CFP: variants seen among roughly 807,000 people sequenced by gnomAD.
CFP encodes complement factor properdin, also known as properdin.
Under a neutral mutation model 42.1 loss-of-function variants are expected in CFP, and 14 were observed. The ratio of observed to expected loss-of-function variants is 0.33; its 90% CI spans 0.22 to 0.52. CFP has a LOEUF of 0.52. Among genes scored for constraint, CFP ranks in the 20% least tolerant of loss-of-function variants. The probability of loss-of-function intolerance (pLI) is 0.96; values close to 1 mark genes in which losing one functional copy is unlikely to be tolerated. For missense variants in CFP, 318 were observed against 400.4 expected (o/e 0.79, Z 1.76); for synonymous variants, 149 against 160.6 (o/e 0.93, Z 0.54).
intron 2 of CFP, chrX:47,628,534 G>A (rs188505507): frequency 4.1e-6 from 2 of 485,868 alleles, no homozygotes; most frequent in East Asian, 4.0e-5. Context: ...CACCAGGTCC[G>A]CAGTAAGCAA....
At chrX:47,626,291 CA>C (rs1227633315) in intron 7 of CFP, 36 bp downstream of exon 7, 1 of 1,197,240 alleles carries the variant, frequency 8.4e-7, no homozygotes, top group African/African-American at 1.8e-5. Context: ...CTGCATGGGC[CA>C]CCCCACCCTC....
Position 47,623,955 on chromosome X carries a change from C to G in CFP, c.*320G>C. 3.5e-6 allele frequency: 1 copy of G among 286,718 alleles called. No individual in the cohort carries two copies. Among genetic ancestry groups the G allele is most frequent in the Non-Finnish European group, 6.2e-6 (1 of 160,196 alleles). 23.6% of individuals were successfully genotyped at this position (286,718 alleles called of 1,213,427 possible). On this transcript the variant is annotated 3_prime_UTR_variant, in exon 9 of 9. Coordinates refer to ENST00000396992, the MANE Select transcript of CFP (RefSeq NM_001145252.3). ...CGTAACGCGGAGCTCTGCAGAGGAACGTGCCGGGCGGCCCTGAGGCTCTAA... is the reference window on the plus strand; with the variant it reads ...CGTAACGCGGAGCTCTGCAGAGGAAGGTGCCGGGCGGCCCTGAGGCTCTAA...
upstream of CFP, chrX:47,630,248 A>C: frequency 1.0e-5 from 2 of 194,340 alleles, no homozygotes; most frequent in African/African-American, 2.9e-5. Context: ...CTCTAACATA[A>C]TGACGGGGTC....
chrX:47,629,723 G>A (rs1177632373), intron 1 of CFP, 46 bp downstream of exon 1: 50 of 1,163,323 alleles, frequency 4.3e-5, no homozygotes, highest in Non-Finnish European at 5.1e-5. Flanking sequence ...CAGGGATGTG[G>A]TGGGCCTGGA....
intron 8 of CFP, 122 bp from the exon 9 acceptor site, chrX:47,624,562 T>C: frequency 6.0e-6 from 3 of 497,172 alleles, no homozygotes; most frequent in Non-Finnish European, 8.8e-6. Flanking sequence ...TTTTTTTCCT[T>C]TTTTTTTTTT....
rs891304368 is a variant in CFP, at chrX:47,623,381, C to T, written c.*894G>A. On this transcript the variant is annotated 3_prime_UTR_variant, in exon 9 of 9. Transcript: ENST00000396992. ...AGCACTATTGTTAGTATACAGTAGG[C>T]GTTAAGTGTTGAATAGATGTTCACA... The T allele has an allele frequency of 8.9e-6, 1 of 112,016 alleles. No individual in the cohort carries two copies. The highest frequency in any genetic ancestry group is 3.3e-5 in the African/African-American group (1 of 30,734). 9.2% of individuals were successfully genotyped at this position (112,016 alleles called of 1,213,427 possible).
chrX:47,625,989 T>A (rs1204999674), intron 8 of CFP, 69 bp downstream of exon 8: 6 of 930,167 alleles, frequency 6.5e-6, no homozygotes, highest in Non-Finnish European at 9.1e-6. Flanking sequence ...CCTGGTTTCC[T>A]GGGGTAGCCG....
Position 47,629,886 on chromosome X carries a change from C to T in CFP, c.-42G>A, listed in dbSNP as rs756806250. ...TGCACCTCTACCAGAGAGGAGGTCC[C>T]GCTTTATCTGGGTTGATAGGCTCCT... On this transcript the variant is annotated 5_prime_UTR_variant, in exon 1 of 9. Coordinates refer to ENST00000396992, the MANE Select transcript of CFP (RefSeq NM_001145252.3). 14 of 1,138,896 alleles carry T rather than the reference C, an allele frequency of 1.2e-5. No individual in the cohort carries two copies. The highest frequency in any genetic ancestry group is 5.8e-5 in the South Asian group (3 of 51,903). The allele number at this position is 1,138,896 out of a possible 1,213,427, so 93.9% of individuals were successfully genotyped here.
Position 47,623,976 on chromosome X carries a change from T to TC in CFP, c.*298dup. The TC allele has an allele frequency of 1.8e-5, 6 of 332,145 alleles. No homozygotes were observed. The South Asian group carries it at 2.4e-4, about 13-fold the overall frequency. 27.4% of individuals were successfully genotyped at this position (332,145 alleles called of 1,213,427 possible). The stretch of plus-strand genomic sequence containing the variant: ...GGAACGTGCCGGGCGGCCCTGAGGC[T>TC]CTAAGGGGGCTGCGCAGGGCCCAGA... On this transcript the variant is annotated 3_prime_UTR_variant, in exon 9 of 9. Coordinates refer to ENST00000396992, the MANE Select transcript of CFP (RefSeq NM_001145252.3).
chrX:47,629,187 T>G (rs750713214), intron 2 of CFP: 5 of 263,977 alleles, frequency 1.9e-5, no homozygotes, highest in African/African-American at 1.4e-4. Flanking sequence ...TGGTTCTCAA[T>G]CAGGGGTGAT....
Position 47,629,495 on chromosome X carries a change from CCCATCCCCCA to C in CFP, c.227+19_227+28del. ...CCCCACAGACAGTCCTTCCCTCCCCCCCATCCCCCACCCCAGGCTCCCCCTAACCTGCAAG... is the reference window on the plus strand; with the variant it reads ...CCCCACAGACAGTCCTTCCCTCCCCCCCCCAGGCTCCCCCTAACCTGCAAG... On this transcript the variant is annotated intron_variant, in intron 2 of 8. Coordinates refer to ENST00000396992, the MANE Select transcript of CFP (RefSeq NM_001145252.3). 1 of 750,897 alleles carries C rather than the reference CCCATCCCCCA, an allele frequency of 1.3e-6. No homozygotes were observed. The highest frequency in any genetic ancestry group is 2.8e-5 in the Admixed American group (1 of 35,126). The allele number at this position is 750,897 out of a possible 1,213,427, so 61.9% of individuals were successfully genotyped here.
chrX:47,627,653 A>G lies in CFP; in HGVS notation c.404-12T>C, dbSNP rs771626265. 2.5e-6 allele frequency: 3 copies of G among 1,185,656 alleles called. No homozygotes were observed. In the South Asian group the frequency reaches 5.6e-5, roughly 22 times the overall value. The stretch of plus-strand genomic sequence containing the variant: ...CCAGCCGCCCATCTCTGTGGGAGAG[A>G]AGAGAGGGTAATGGGATGGAGGTGG... On this transcript the variant is annotated splice_polypyrimidine_tract_variant and intron_variant, in intron 3 of 8. Transcript: ENST00000396992.
At position 47,629,849 on chromosome X, in the gene CFP, A is replaced by G; in HGVS notation, c.-5T>C. 1 of 1,166,273 alleles carries G rather than the reference A, an allele frequency of 8.6e-7. No individual in the cohort carries two copies. The highest frequency in any genetic ancestry group is 1.9e-5 in the South Asian group (1 of 52,689). On this transcript the variant is annotated 5_prime_UTR_variant, in exon 1 of 9. Coordinates refer to ENST00000396992, the MANE Select transcript of CFP (RefSeq NM_001145252.3). Reference sequence around the variant, plus strand: ...CTGCGCTCCCTCTGTGATCATGTTGAGTACTGCCCCCTGCACCTCTACCAG... The same window carrying G: ...CTGCGCTCCCTCTGTGATCATGTTGGGTACTGCCCCCTGCACCTCTACCAG...
At chrX:47,630,193 T>C (rs2057985777), upstream of CFP, 1 of 284,372 alleles carries the variant, frequency 3.5e-6, no homozygotes, top group Non-Finnish European at 6.3e-6. Context: ...GGTGAGTCAC[T>C]TAACACCCCT....
At chrX:47,629,247 C>G (rs2147937829) in intron 2 of CFP, 1 of 346,797 alleles carries the variant, frequency 2.9e-6, no homozygotes, top group Non-Finnish European at 5.0e-6. Context: ...GTTTGGTTGT[C>G]ACAGCTGGTG....
rs1223349666 is a variant in CFP, at chrX:47,626,862, C to T, written c.851G>A (p.Cys284Tyr). The T allele has an allele frequency of 8.3e-7, 1 of 1,208,312 alleles. No individual in the cohort carries two copies. Among genetic ancestry groups the T allele is most frequent in the South Asian group, 1.8e-5 (1 of 56,216 alleles). The change falls in exon 6 of 9, where the codon TGC becomes TAC. Residue 284 changes from cysteine (C) to tyrosine (Y), a missense_variant. Cys to Tyr is a radical substitution (Grantham distance 194, BLOSUM62 -2). Transcript: ENST00000396992. ...CCCATGCTGGGGCACAGGGTGATTG[C>T]ACGTCCGTTGTTCCATGGTCTGGCC... ...GLGQTMEQRT[C>Y]NHPVPQHGGP...
Position 47,627,460 on chromosome X carries a change from C to T in CFP, c.574+11G>A, listed in dbSNP as rs773671774. 2 of 1,211,385 alleles carry T rather than the reference C, an allele frequency of 1.7e-6. No homozygotes were observed. The highest frequency in any genetic ancestry group is 1.8e-5 in the South Asian group (1 of 56,751). ...TGCACCCATCAGCATCCTGTGGCTT[C>T]CCTCACTCACTGGGGCAGACCTGCT... On this transcript the variant is annotated intron_variant, in intron 4 of 8. Coordinates refer to ENST00000396992, the MANE Select transcript of CFP (RefSeq NM_001145252.3).
Position 47,627,341 on chromosome X carries a change from G to C in CFP, c.575-9C>G, listed in dbSNP as rs1424935036. 5.0e-6 allele frequency: 6 copies of C among 1,189,269 alleles called. No individual in the cohort carries two copies. In the South Asian group the frequency reaches 9.2e-5, roughly 18 times the overall value. On this transcript the variant is annotated splice_polypyrimidine_tract_variant and intron_variant, in intron 4 of 8. Transcript: ENST00000396992. ...GGCCCAGGCCCCGTGTGCTGTGGTG[G>C]GGTGGGAGGTGGAGGGATGCAGGTG... is the stretch of plus-strand genomic sequence containing the variant.
At position 47,623,995 on chromosome X, in the gene CFP, G is replaced by T. The variant is rs2057958043; in HGVS notation, c.*280C>A. 1 of 365,990 alleles carries T rather than the reference G, an allele frequency of 2.7e-6. No homozygotes were observed. The highest frequency in any genetic ancestry group is 4.4e-5 in the Admixed American group (1 of 22,799). 30.2% of individuals were successfully genotyped at this position (365,990 alleles called of 1,213,427 possible). On this transcript the variant is annotated 3_prime_UTR_variant, in exon 9 of 9. Transcript: ENST00000396992. ...TGAGGCTCTAAGGGGGCTGCGCAGG[G>T]CCCAGACATTGGGGTTATGGCAGCG... is the stretch of plus-strand genomic sequence containing the variant.
Sources: allele counts gnomAD v4.1 joint callset, GRCh38; gene constraint gnomAD v4.1.1; transcripts MANE v1.5; gene names NCBI Gene and HGNC (gene_info 2026-07-23, HGNC 2026-07-21).